Variants in PDLIM5 observed in about 807,000 individuals in gnomAD.
The protein encoded by PDLIM5 is PDZ and LIM domain protein 5.
PDLIM5 carries 34 observed loss-of-function variants against 64.2 expected under a neutral mutation model. The observed-to-expected ratio is 0.53, with a 90% CI of 0.40 to 0.71. The LOEUF (loss-of-function observed/expected upper bound fraction) is 0.71. PDLIM5 is among the 30% of genes least tolerant of loss of function. PDLIM5 has a pLI of 0.00. For missense variants in PDLIM5, 683 were observed against 733.6 expected (o/e 0.93, Z 0.80); for synonymous variants, 253 against 269.1 (o/e 0.94, Z 0.59).
At chr4:94,547,838 C>T (rs1198657043) in intron 3 of PDLIM5, among the ~76,000 whole-genome samples, 1 of 152,190 alleles carries the variant, frequency 6.6e-6, no homozygotes, top group Non-Finnish European at 1.5e-5. Context: ...GTACTTTATG[C>T]AGGTGACTGC....
chr4:94,492,922 A>G (rs765499489), intron 2 of PDLIM5, among the ~76,000 whole-genome samples: 2 of 152,146 alleles, frequency 1.3e-5, no homozygotes, highest in Non-Finnish European at 2.9e-5. Flanking sequence ...TGGTAATTCT[A>G]TGTTTAACTA....
chr4:94,531,315 G>C (rs951869208), intron 3 of PDLIM5, among the ~76,000 whole-genome samples: 1 of 152,032 alleles, frequency 6.6e-6, no homozygotes, highest in Admixed American at 6.6e-5. Context: ...GGACAAACAT[G>C]TATTGACATG....
At chr4:94,601,773 G>C (rs1481872145) in intron 7 of PDLIM5, among the ~76,000 whole-genome samples, 6 of 152,110 alleles carry the variant, frequency 3.9e-5, no homozygotes, top group Non-Finnish European at 8.8e-5. Context: ...GGCTGCTACA[G>C]AAACAAAGAC....
At chr4:94,462,624 G>A (rs115463949) in intron 2 of PDLIM5, among the ~76,000 whole-genome samples, 145 of 151,974 alleles carry the variant, frequency 9.5e-4, no homozygotes, top group African/African-American at 3.3e-3. Context: ...TTGAATTTAA[G>A]TTTTGCCTAT....
intron 9 of PDLIM5, among the ~76,000 whole-genome samples, chr4:94,643,135 G>A (rs555068478): frequency 1.3e-5 from 2 of 151,846 alleles, no homozygotes; most frequent in Non-Finnish European, 2.9e-5. Flanking sequence ...AACTGAACTG[G>A]TTATCTCTTT....
chr4:94,610,676 T>C (rs896685126), intron 7 of PDLIM5, among the ~76,000 whole-genome samples: 1 of 152,198 alleles, frequency 6.6e-6, no homozygotes, highest in Admixed American at 6.5e-5. Flanking sequence ...CCCACGACCT[T>C]TAAAGGGTGA....
intron 3 of PDLIM5, among the ~76,000 whole-genome samples, chr4:94,552,773 G>A (rs1412368453): frequency 6.6e-6 from 1 of 152,050 alleles, no homozygotes; most frequent in African/African-American, 2.4e-5. Context: ...TCATAAAATA[G>A]TAGTAGTAGA....
At chr4:94,528,278 C>T (rs1250519341) in intron 3 of PDLIM5, among the ~76,000 whole-genome samples, 2 of 152,184 alleles carry the variant, frequency 1.3e-5, no homozygotes, top group Non-Finnish European at 2.9e-5. Context: ...TATCGCACCT[C>T]ACTCCTTTTT....
chr4:94,663,212 G>A (rs962828426), intron 12 of PDLIM5, among the ~76,000 whole-genome samples: 7 of 152,148 alleles, frequency 4.6e-5, no homozygotes, highest in African/African-American at 1.7e-4. Context: ...AATACTCATT[G>A]TACAAAGGGG....
intron 3 of PDLIM5, among the ~76,000 whole-genome samples, chr4:94,555,249 TCCC>T (rs33995332): frequency 0.98 from 149,731 of 152,204 alleles, 73,682 homozygotes; most frequent in East Asian, 1. Context: ...AGATGGGGTT[TCCC>T]CGCCATGTTG....
At chr4:94,605,253 C>A (rs753074151) in intron 7 of PDLIM5, among the ~76,000 whole-genome samples, 1 of 152,064 alleles carries the variant, frequency 6.6e-6, no homozygotes, top group Non-Finnish European at 1.5e-5. Context: ...ACTGGTCCTA[C>A]AGGATGGTAA....
chr4:94,564,599 T>C (rs1734130209), intron 3 of PDLIM5, among the ~76,000 whole-genome samples: 2 of 152,168 alleles, frequency 1.3e-5, no homozygotes, highest in South Asian at 4.1e-4. Context: ...AATATTTTGC[T>C]TGTTAGTCTG....
chr4:94,522,311 A>G (rs1216033867), intron 2 of PDLIM5, among the ~76,000 whole-genome samples: 1 of 152,164 alleles, frequency 6.6e-6, no homozygotes, highest in Non-Finnish European at 1.5e-5. Context: ...TTCTAAAATC[A>G]TTAGGTTTTT....
chr4:94,461,257 T>C lies in PDLIM5; in HGVS notation c.96+5873T>C, dbSNP rs564804970. On this transcript the variant is annotated intron_variant, in intron 2 of 12. Coordinates refer to ENST00000317968, the MANE Select transcript of PDLIM5 (RefSeq NM_006457.5). ...ATTTCAGTATCTGAGATGCAAAAAA[T>C]ATTGAGTACGTGACATAAAATTTGA... Among the ~76,000 whole-genome samples the C allele has an allele frequency of 1.4e-4, 22 of 152,278 alleles. No homozygotes were observed. The South Asian group carries it at 4.4e-3, about 30-fold the overall frequency.
rs73837451 is a variant in PDLIM5, at chr4:94,591,620, G to A, written c.920+5176G>A. 5.4e-3 allele frequency among the ~76,000 whole-genome samples: 825 copies of A among 152,322 alleles called. 9 individuals are homozygous for A. Among genetic ancestry groups the A allele is most frequent in the African/African-American group, 0.019 (788 of 41,576 alleles). On this transcript the variant is annotated intron_variant, in intron 7 of 12. Coordinates refer to ENST00000317968, the MANE Select transcript of PDLIM5 (RefSeq NM_006457.5). ...ACTAATTGATAAGTGGGAAGAGAGG[G>A]AAGTAAAAAACCTGGTTATTTCATC...
chr4:94,584,853 A>G, intron 5 of PDLIM5: 2 of 634,690 alleles, frequency 3.2e-6, no homozygotes. Flanking sequence ...AATACAAATA[A>G]TTTCAAGAAG....
chr4:94,489,865 T>C (rs1726702948), intron 2 of PDLIM5, among the ~76,000 whole-genome samples: 1 of 152,136 alleles, frequency 6.6e-6, no homozygotes, highest in East Asian at 1.9e-4. Flanking sequence ...ATTTGGTTGC[T>C]CTAATATGCT....
chr4:94,489,477 A>G (rs1211903077), intron 2 of PDLIM5, among the ~76,000 whole-genome samples: 10 of 152,150 alleles, frequency 6.6e-5, no homozygotes, highest in African/African-American at 2.4e-4. Flanking sequence ...TGGTTTTGTC[A>G]TAATATGATC....
chr4:94,601,189 C>T (rs145986033), intron 7 of PDLIM5, among the ~76,000 whole-genome samples: 2 of 152,134 alleles, frequency 1.3e-5, no homozygotes, highest in Non-Finnish European at 2.9e-5. Flanking sequence ...AAGTCAAGAT[C>T]GAGGTACCTG....
Sources: allele counts gnomAD v4.1 joint callset (sites outside exome capture counted in the v4.1 genomes callset), GRCh38; gene constraint gnomAD v4.1.1; transcripts MANE v1.5; gene names NCBI Gene and HGNC (gene_info 2026-07-23, HGNC 2026-07-21).